The following SLIT3 variants were observed in gnomAD, a reference collection of about 807,000 sequenced individuals.
SLIT3 encodes the protein slit guidance ligand 3, also known as slit homolog 3 protein.
In SLIT3, 68 loss-of-function variants were observed where a neutral mutation model predicts 184.0. The ratio of observed to expected loss-of-function variants is 0.37; its 90% confidence interval spans 0.30 to 0.45. The LOEUF (loss-of-function observed/expected upper bound fraction) is 0.45, where lower values mean the gene tolerates loss of function less well. SLIT3 is among the 20% of genes least tolerant of loss of function. The pLI, the probability that SLIT3 is intolerant of heterozygous loss-of-function variation, is 1.00. For missense variants in SLIT3, 1,707 were observed against 2,026.0 expected (o/e 0.84, Z 3.02); for synonymous variants, 831 against 828.6 (o/e 1.00, Z -0.05).
At chr5:168,962,325 C>CACACACAG (rs1373146460) in intron 4 of SLIT3, among the ~76,000 whole-genome samples, 1 of 151,512 alleles carries the variant, frequency 6.6e-6, no homozygotes, top group Non-Finnish European at 1.5e-5. Context: ...CACACACACA[C>CACACACAG]ACACACACAC....
chr5:169,257,222 C>A (rs576433806), intron 1 of SLIT3, among the ~76,000 whole-genome samples: 1 of 152,178 alleles, frequency 6.6e-6, no homozygotes, highest in South Asian at 2.1e-4. Flanking sequence ...ACTTTCTGCC[C>A]CATCCTTTAC....
intron 20 of SLIT3, among the ~76,000 whole-genome samples, chr5:168,734,101 G>A (rs531870882): frequency 6.6e-6 from 1 of 152,246 alleles, no homozygotes; most frequent in Non-Finnish European, 1.5e-5. Flanking sequence ...TGGGTGATGG[G>A]TACACTAAAA....
chr5:168,810,633 C>G, intron 8 of SLIT3, among the ~76,000 whole-genome samples: 1 of 152,202 alleles, frequency 6.6e-6, no homozygotes, highest in East Asian at 1.9e-4. Flanking sequence ...CACTTCGGCT[C>G]TGGGCTCTCT....
At chr5:168,684,212 T>G in intron 31 of SLIT3, 116 bp from the exon 32 acceptor site, 1 of 1,106,518 alleles carries the variant, frequency 9.0e-7, no homozygotes, top group Non-Finnish European at 1.2e-6. Context: ...TGCGTCTAAA[T>G]TCATGTCCAT....
At chr5:169,091,785 A>G (rs1759594752) in intron 4 of SLIT3, among the ~76,000 whole-genome samples, 1 of 152,172 alleles carries the variant, frequency 6.6e-6, no homozygotes, top group African/African-American at 2.4e-5. Flanking sequence ...CGGCCTGATA[A>G]TCAGTTATCA....
At chr5:168,966,732 A>C in intron 4 of SLIT3, among the ~76,000 whole-genome samples, 1 of 152,176 alleles carries the variant, frequency 6.6e-6, no homozygotes, top group East Asian at 1.9e-4. Flanking sequence ...AGAGAGATGC[A>C]AGTCAGAGTT....
intron 4 of SLIT3, among the ~76,000 whole-genome samples, chr5:169,034,912 A>AGTGTGTGTGTGTGT (rs112102059): frequency 4.5e-4 from 60 of 132,414 alleles, no homozygotes; most frequent in African/African-American, 1.2e-3. Flanking sequence ...ACGCCCAGCT[A>AGTGTGTGTGTGTGT]GTGTGTGTGT....
chr5:169,293,882 G>T lies in SLIT3; in HGVS notation c.197+6631C>A, dbSNP rs550549660. Among the ~76,000 whole-genome samples the T allele has an allele frequency of 1.0e-3, 153 of 152,380 alleles. 1 individual carries two copies. The highest frequency in any genetic ancestry group is 1.8e-3 in the Non-Finnish European group (124 of 68,042). On this transcript the variant is annotated intron_variant, in intron 1 of 35. Transcript: ENST00000519560. ...CAGGCCAGCAGTCACAGTAGTTACA[G>T]ATCACCGTCCAGGCCTGCAGAGCAG...
rs956531393 is a variant in SLIT3, at chr5:169,005,210, A to G, written c.414-121874T>C. On this transcript the variant is annotated intron_variant, in intron 4 of 35. Coordinates refer to ENST00000519560, the MANE Select transcript of SLIT3 (RefSeq NM_003062.4). ...TTTATATGAACTGGGAAACTAAAAA[A>G]TTTGTGTAATTCACTTTATTGCGAT... Among the ~76,000 whole-genome samples the G allele has an allele frequency of 4.6e-5, 7 of 152,314 alleles. 1 individual carries two copies. The highest frequency in any genetic ancestry group is 3.4e-3 in the Middle Eastern group (1 of 294).
At chr5:168,837,641 G>A (rs1340188248) in intron 6 of SLIT3, among the ~76,000 whole-genome samples, 2 of 152,170 alleles carry the variant, frequency 1.3e-5, no homozygotes, top group African/African-American at 2.4e-5. Context: ...ATTTCAACTC[G>A]ATTTGGTTCC....
chr5:169,235,690 G>C (rs1024528206), intron 3 of SLIT3, among the ~76,000 whole-genome samples: 21 of 152,038 alleles, frequency 1.4e-4, no homozygotes, highest in African/African-American at 4.8e-4. Context: ...GATTTCCCTT[G>C]TTTTTCATGA....
chr5:169,013,897 G>T (rs1756261060), intron 4 of SLIT3, among the ~76,000 whole-genome samples: 1 of 152,174 alleles, frequency 6.6e-6, no homozygotes, highest in Admixed American at 6.5e-5. Flanking sequence ...GCTCTGGCTT[G>T]CAGGCCTCTA....
chr5:168,796,117 G>A (rs927687447), intron 9 of SLIT3, among the ~76,000 whole-genome samples: 2 of 152,180 alleles, frequency 1.3e-5, no homozygotes, highest in African/African-American at 2.4e-5. Context: ...ACGTCTTTAG[G>A]CTCCCAGCCT....
chr5:168,867,200 G>C (rs938032339), intron 5 of SLIT3, among the ~76,000 whole-genome samples: 1 of 152,152 alleles, frequency 6.6e-6, no homozygotes, highest in Non-Finnish European at 1.5e-5. Context: ...AACATTGCAC[G>C]TGGCTACAAT....
At chr5:169,135,398 CA>C (rs1400290507) in intron 4 of SLIT3, among the ~76,000 whole-genome samples, 2 of 150,540 alleles carry the variant, frequency 1.3e-5, no homozygotes, top group Non-Finnish European at 3.0e-5. Context: ...ATACGTGAGC[CA>C]CCACACCCGG....
At chr5:169,038,676 G>A (rs1292030518) in intron 4 of SLIT3, among the ~76,000 whole-genome samples, 3 of 152,196 alleles carry the variant, frequency 2.0e-5, no homozygotes, top group Non-Finnish European at 2.9e-5. Flanking sequence ...GCTCACTGAG[G>A]CTACGCGATT....
intron 4 of SLIT3, among the ~76,000 whole-genome samples, chr5:169,062,539 G>T (rs1332400548): frequency 1.3e-5 from 2 of 152,106 alleles, no homozygotes; most frequent in African/African-American, 4.8e-5. Context: ...TGTGCTCCAG[G>T]TGACTTTCTG....
intron 3 of SLIT3, among the ~76,000 whole-genome samples, chr5:169,199,027 C>CACACACAT (rs1554106544): frequency 6.6e-6 from 1 of 151,730 alleles, no homozygotes; most frequent in African/African-American, 2.4e-5. Flanking sequence ...CACACACACA[C>CACACACAT]ACATACATAC....
At chr5:169,077,759 G>A (rs1388532959) in intron 4 of SLIT3, among the ~76,000 whole-genome samples, 9 of 150,196 alleles carry the variant, frequency 6.0e-5, no homozygotes, top group African/African-American at 2.2e-4. Flanking sequence ...GTCACGGAGA[G>A]ATGGGTTATC....
Sources: gnomAD v4.1 joint callset for allele counts (sites outside exome capture counted in the v4.1 genomes callset) on GRCh38, gnomAD v4.1.1 for gene constraint, MANE v1.5 for transcripts, NCBI Gene and HGNC (gene_info 2026-07-23, HGNC 2026-07-21) for gene names.